MALL: variants seen among roughly 807,000 people sequenced by gnomAD.
MALL encodes the protein MAL-like protein.
Under a neutral mutation model 10.3 loss-of-function variants are expected in MALL, and 2 were observed. The observed-to-expected ratio is 0.19, with a 90% CI of 0.08 to 0.61. The LOEUF is 0.61. MALL is among the 20% of genes least tolerant of loss of function. The pLI is 0.88. For missense variants in MALL, 39 were observed against 115.2 expected, an observed-to-expected ratio of 0.34 and a Z score of 3.03; for synonymous variants, 27 against 51.8, an observed-to-expected ratio of 0.52 and a Z score of 2.05.
At chr2:110,114,875 C>T (rs1678874904) in intron 1 of MALL, among the ~76,000 whole-genome samples, 1 of 152,054 alleles carries the variant, frequency 6.6e-6, no homozygotes, top group Admixed American at 6.5e-5. Flanking sequence ...GATTGGACCC[C>T]AGGCTTGACT....
chr2:110,104,428 A>G (rs1366902402), intron 1 of MALL, among the ~76,000 whole-genome samples: 1 of 152,138 alleles, frequency 6.6e-6, no homozygotes, highest in African/African-American at 2.4e-5. Flanking sequence ...ATTACGCATC[A>G]GGCTCCATAG....
chr2:110,102,006 T>A (rs1678573621), intron 1 of MALL, among the ~76,000 whole-genome samples: 1 of 152,098 alleles, frequency 6.6e-6, no homozygotes. Flanking sequence ...CCTGGCCCCC[T>A]GCCCCAGTGT....
chr2:110,097,007 G>A (rs1001931444), intron 1 of MALL, among the ~76,000 whole-genome samples: 4 of 150,044 alleles, frequency 2.7e-5, no homozygotes, highest in African/African-American at 9.8e-5. Context: ...GAAAAGCTAG[G>A]AAATGACCCC....
At chr2:110,095,908 A>T (rs1485220178) in intron 1 of MALL, among the ~76,000 whole-genome samples, 1 of 152,200 alleles carries the variant, frequency 6.6e-6, no homozygotes, top group Non-Finnish European at 1.5e-5. Context: ...TGAGCTTCTT[A>T]CAGCTATGAT....
At chr2:110,106,201 A>G (rs996168036) in intron 1 of MALL, among the ~76,000 whole-genome samples, 7 of 152,176 alleles carry the variant, frequency 4.6e-5, no homozygotes, top group African/African-American at 1.7e-4. Context: ...AATTTATTGG[A>G]GTCATAGTCA....
chr2:110,115,550 G>A, intron 1 of MALL, 138 bp downstream of exon 1: 1 of 399,970 alleles, frequency 2.5e-6, no homozygotes, highest in Non-Finnish European at 4.2e-6. Context: ...CCCCCTCTCT[G>A]CAGGTGGCCC....
intron 1 of MALL, among the ~76,000 whole-genome samples, chr2:110,099,321 C>T (rs1347337143): frequency 6.6e-6 from 1 of 152,148 alleles, no homozygotes; most frequent in Non-Finnish European, 1.5e-5. Context: ...CTGCTCTGAG[C>T]ATGTCAATGA....
At chr2:110,103,447 C>T (rs1469297778) in intron 1 of MALL, among the ~76,000 whole-genome samples, 2 of 152,130 alleles carry the variant, frequency 1.3e-5, no homozygotes, top group Non-Finnish European at 2.9e-5. Context: ...GCTCGAGCTC[C>T]TCCGCACTAG....
At chr2:110,097,767 C>A (rs896811495) in intron 1 of MALL, among the ~76,000 whole-genome samples, 1 of 152,050 alleles carries the variant, frequency 6.6e-6, no homozygotes, top group African/African-American at 2.4e-5. Context: ...GGTTTTTCTG[C>A]ATAGCTGGGC....
chr2:110,092,403 A>G (rs1256719233), intron 1 of MALL, among the ~76,000 whole-genome samples: 350 of 30,838 alleles, frequency 0.011, no homozygotes, highest in African/African-American at 0.028. Flanking sequence ...AATCAGTTAA[A>G]TATTTTAAAA....
intron 1 of MALL, among the ~76,000 whole-genome samples, chr2:110,099,213 C>T (rs1404962019): frequency 6.6e-6 from 1 of 152,078 alleles, no homozygotes. Context: ...TCGAAAAGGA[C>T]ACCTTACAGC....
At chr2:110,115,300 A>G (rs921977863) in intron 1 of MALL, among the ~76,000 whole-genome samples, 3 of 152,136 alleles carry the variant, frequency 2.0e-5, no homozygotes, top group Admixed American at 1.3e-4. Flanking sequence ...AAGCCTGGAT[A>G]TTTTAGCGAC....
chr2:110,117,448 A>G (rs143159847), upstream of MALL, among the ~76,000 whole-genome samples: 127 of 152,254 alleles, frequency 8.3e-4, 1 homozygote, highest in East Asian at 0.014. Context: ...AGAGGCCCTG[A>G]GCCATTTCCA....
chr2:110,117,742 C>T (rs549035785), upstream of MALL, among the ~76,000 whole-genome samples: 1 of 151,882 alleles, frequency 6.6e-6, no homozygotes, highest in Non-Finnish European at 1.5e-5. Flanking sequence ...TCTCAGAGTT[C>T]CAGGTACCTG....
intron 1 of MALL, among the ~76,000 whole-genome samples, chr2:110,102,597 C>T (rs1413698844): frequency 3.3e-5 from 5 of 152,216 alleles, no homozygotes; most frequent in South Asian, 2.1e-4. Context: ...GAAGTGGCAT[C>T]GCCTGCCGCC....
intron 1 of MALL, among the ~76,000 whole-genome samples, chr2:110,105,547 C>T (rs1212147395): frequency 6.6e-6 from 1 of 152,124 alleles, no homozygotes; most frequent in Non-Finnish European, 1.5e-5. Flanking sequence ...CGCCACATGG[C>T]AGTGAGGGGA....
intron 1 of MALL, among the ~76,000 whole-genome samples, chr2:110,108,436 A>G (rs564972818): frequency 1.3e-4 from 20 of 152,226 alleles, no homozygotes; most frequent in Admixed American, 5.2e-4. Flanking sequence ...GGAAGAAAGA[A>G]ATTCAGAGCT....
chr2:110,100,413 C>T (rs1678537616), intron 1 of MALL, among the ~76,000 whole-genome samples: 1 of 151,880 alleles, frequency 6.6e-6, no homozygotes, highest in Non-Finnish European at 1.5e-5. Flanking sequence ...TTCGAGGCTG[C>T]AGTGAACTAT....
At chr2:110,112,012 G>T (rs571144341) in intron 1 of MALL, among the ~76,000 whole-genome samples, 1 of 152,170 alleles carries the variant, frequency 6.6e-6, no homozygotes, top group African/African-American at 2.4e-5. Context: ...AATGGTGCTG[G>T]GATAATTGGC....
Sources: gnomAD v4.1 joint callset for allele counts (sites outside exome capture counted in the v4.1 genomes callset) on GRCh38, gnomAD v4.1.1 for gene constraint, MANE v1.5 for transcripts, NCBI Gene and HGNC (gene_info 2026-07-23, HGNC 2026-07-21) for gene names.